The following CASP1 variants were observed in gnomAD, a reference collection of about 807,000 sequenced individuals.
CASP1 encodes the protein caspase-1.
Under a neutral mutation model 41.2 loss-of-function variants are expected in CASP1, and 31 were observed. The ratio of observed to expected loss-of-function variants is 0.75; its 90% CI spans 0.57 to 1.02. CASP1 has a LOEUF of 1.02. CASP1 is among the 50% of genes least tolerant of loss of function. The pLI is 0.00. For synonymous variants in CASP1, 163 were observed against 166.5 expected (o/e 0.98, Z 0.16); for missense variants, 490 against 495.7 (o/e 0.99, Z 0.11).
At chr11:105,026,623 G>T (rs929023015) in intron 8 of CASP1, 36 of 601,438 alleles carry the variant, frequency 6.0e-5, no homozygotes, top group Non-Finnish European at 2.9e-6. Flanking sequence ...CAGGGCAGGA[G>T]CGGGGTGAAA....
At chr11:105,026,452 C>T in intron 8 of CASP1, 96 bp from the exon 9 acceptor site, 1 of 749,398 alleles carries the variant, frequency 1.3e-6, no homozygotes, top group Admixed American at 2.3e-5. Context: ...ACAAATATAG[C>T]AAAATAAGTG....
chr11:105,026,920 G>A lies in CASP1; in HGVS notation c.1038C>T (p.Gly346=), dbSNP rs1863336931. The A allele has an allele frequency of 6.2e-7, 1 of 1,605,280 alleles. No homozygotes were observed. Residue 346 remains glycine, a synonymous_variant, in exon 8 of 9, where the codon GGC becomes GGT. Transcript: ENST00000533400. Reference sequence around the variant, plus strand: ...CAATGAGTCTTCCAATAAAAACAGAGCCCATTGTGGGATGTCTCCAAGAAA... The same window carrying A: ...CAATGAGTCTTCCAATAAAAACAGAACCCATTGTGGGATGTCTCCAAGAAA... ...DNVSWRHPTM[G]SVFIGRLIEH...
chr11:105,033,909 C>A (rs778854175), intron 2 of CASP1: 13 of 700,786 alleles, frequency 1.9e-5, no homozygotes, highest in Non-Finnish European at 3.2e-5. Context: ...TTTGCCTTGC[C>A]AGGAACACTG....
chr11:105,029,194 C>A lies in CASP1; in HGVS notation c.936G>T (p.Glu312Asp), dbSNP rs779122963. ...SGNLSLPTTE[E>D]FEDDAIKKAH... ...CTTTCTTAATAGCATCATCCTCAAA[C>A]TCTTCTGTAGTTGGTAAAGATAGGT... The change falls in exon 7 of 9, where the codon GAG becomes GAT. Residue 312 changes from glutamate to aspartate, a missense_variant. Glu to Asp is a conservative substitution (Grantham distance 45). Transcript: ENST00000533400. 6.2e-7 allele frequency: 1 copy of A among 1,613,294 alleles called. No individual in the cohort carries two copies. The highest frequency in any genetic ancestry group is 8.5e-7 in the Non-Finnish European group (1 of 1,179,482).
Position 105,030,623 on chromosome 11 carries a change from A to G in CASP1, c.454-120T>C. 7.6e-6 allele frequency: 6 copies of G among 784,404 alleles called. No individual in the cohort carries two copies. In the Middle Eastern group the frequency reaches 1.1e-3, roughly 148 times the overall value. The allele number at this position is 784,404 out of a possible 1,614,324, so 48.6% of individuals were successfully genotyped here. On this transcript the variant is annotated intron_variant, in intron 4 of 8. Transcript: ENST00000533400. ...CAAGATACCAAACCCCATGAACCATACATTGAAAAGGGGGAACAGAATTGA... is the reference window on the plus strand; with the variant it reads ...CAAGATACCAAACCCCATGAACCATGCATTGAAAAGGGGGAACAGAATTGA...
chr11:105,030,954 G>C, intron 4 of CASP1: 1 of 511,804 alleles, frequency 2.0e-6, no homozygotes, highest in Non-Finnish European at 3.6e-6. Flanking sequence ...TGTCATCACT[G>C]ATGTTATTTA....
At chr11:105,028,649 G>A (rs501394) in intron 7 of CASP1, among the ~76,000 whole-genome samples, 23,171 of 151,988 alleles carry the variant, frequency 0.15, 2,021 homozygotes, top group Admixed American at 0.25. Flanking sequence ...CAAAGCATAC[G>A]TTTAGAAAAA....
At chr11:105,033,277 A>G (rs574136085) in intron 2 of CASP1, 151 bp from the exon 3 acceptor site, 2 of 571,322 alleles carry the variant, frequency 3.5e-6, no homozygotes, top group South Asian at 4.5e-5. Flanking sequence ...TTTAATTTAG[A>G]GAGTGGTGGG....
Position 105,026,898 on chromosome 11 carries a change from T to C in CASP1, c.1060A>G (p.Ile354Val). 6.2e-7 allele frequency: 1 copy of C among 1,611,798 alleles called. No individual in the cohort carries two copies. The highest frequency in any genetic ancestry group is 8.5e-7 in the Non-Finnish European group (1 of 1,178,038). The change falls in exon 8 of 9, where the codon ATT becomes GTT. Residue 354 changes from isoleucine to valine, a missense_variant. Coordinates refer to ENST00000533400, the MANE Select transcript of CASP1 (RefSeq NM_001257118.3). ...CAGGCATATTCTTGCATATGTTCAATGAGTCTTCCAATAAAAACAGAGCCC... is the reference window on the plus strand; with the variant it reads ...CAGGCATATTCTTGCATATGTTCAACGAGTCTTCCAATAAAAACAGAGCCC... Reference protein sequence around the residue: ...TMGSVFIGRLIEHMQEYACSC... With the variant: ...TMGSVFIGRLVEHMQEYACSC...
chr11:105,035,318 A>T (rs1363365415), upstream of CASP1: 7 of 649,958 alleles, frequency 1.1e-5, no homozygotes, highest in Admixed American at 1.6e-4. Flanking sequence ...CCTTGGATAG[A>T]TCAGGGTAGG....
At chr11:105,030,664 T>C in intron 4 of CASP1, 161 bp from the exon 5 acceptor site, 3 of 605,542 alleles carry the variant, frequency 5.0e-6, no homozygotes, top group Non-Finnish European at 8.5e-6. Context: ...GCTTCAAGAG[T>C]ATGCATGGAC....
chr11:105,026,234 A>G lies in CASP1; in HGVS notation c.*24T>C. ...CGACCATACACATGTACCTGCCCAC[A>G]GACATTCATACAGTTTCCTTATTTT... On this transcript the variant is annotated 3_prime_UTR_variant, in exon 9 of 9. Transcript: ENST00000533400. 1 of 1,448,584 alleles carries G rather than the reference A, an allele frequency of 6.9e-7. No individual in the cohort carries two copies. Among genetic ancestry groups the G allele is most frequent in the Non-Finnish European group, 9.7e-7 (1 of 1,029,882 alleles). 89.7% of individuals were successfully genotyped at this position (1,448,584 alleles called of 1,614,324 possible). A position where few individuals can be genotyped will look rare whatever the true frequency, so the allele number is the denominator to read the frequency against.
At position 105,029,232 on chromosome 11, in the gene CASP1, C is replaced by G; in HGVS notation, c.898G>C (p.Gly300Arg). The change falls in exon 7 of 9, where the codon GGA becomes CGA. Residue 300 changes from glycine (G) to arginine (R), a missense_variant. Transcript: ENST00000533400. ...PGVVWFKDSV[G>R]VSGNLSLPTT... ...GGTAAAGATAGGTTTCCAGAAACTC[C>G]TACTGAATCTTTAAACCACACCACA... 1 of 1,613,102 alleles carries G rather than the reference C, an allele frequency of 6.2e-7. No individual in the cohort carries two copies. The highest frequency in any genetic ancestry group is 8.5e-7 in the Non-Finnish European group (1 of 1,179,442).
chr11:105,033,380 A>G (rs1863814869), intron 2 of CASP1, among the ~76,000 whole-genome samples: 1 of 152,258 alleles, frequency 6.6e-6, no homozygotes, highest in African/African-American at 2.4e-5. Flanking sequence ...TTAGACAGGC[A>G]TAAGCTTTCC....
rs566804826 is a variant in CASP1, at chr11:105,034,074, C to T, written c.274+134G>A. On this transcript the variant is annotated intron_variant, in intron 2 of 8. Coordinates refer to ENST00000533400, the MANE Select transcript of CASP1 (RefSeq NM_001257118.3). Reference sequence around the variant, plus strand: ...GAGTCAAGGGACATGCAATAGGGACCCTGCTACAGAAATATGGCCCTGAAG... The same window carrying T: ...GAGTCAAGGGACATGCAATAGGGACTCTGCTACAGAAATATGGCCCTGAAG... 1.4e-4 allele frequency: 201 copies of T among 1,428,374 alleles called. No homozygotes were observed. In the African/African-American group the frequency reaches 2.4e-3, roughly 17 times the overall value. 88.5% of individuals were successfully genotyped at this position (1,428,374 alleles called of 1,614,324 possible).
At chr11:105,028,598 C>G (rs943690669) in intron 7 of CASP1, among the ~76,000 whole-genome samples, 1 of 152,024 alleles carries the variant, frequency 6.6e-6, no homozygotes, top group Admixed American at 6.6e-5. Context: ...TTACAAAATA[C>G]TAAATGTCTG....
At chr11:105,035,843 C>CA (rs1863995562), upstream of CASP1, among the ~76,000 whole-genome samples, 1 of 151,948 alleles carries the variant, frequency 6.6e-6, no homozygotes, top group Non-Finnish European at 1.5e-5. Flanking sequence ...CTTCAGCTCC[C>CA]AGGCTCAAGC....
chr11:105,026,145 G>A lies in CASP1; in HGVS notation c.*113C>T. ...TTTTTGGATTAAGGATTCTCAGCCTGTAAACCTAGAGTTCTTGACTCAAAT... is the reference window on the plus strand; with the variant it reads ...TTTTTGGATTAAGGATTCTCAGCCTATAAACCTAGAGTTCTTGACTCAAAT... On this transcript the variant is annotated 3_prime_UTR_variant, in exon 9 of 9. Transcript: ENST00000533400. The A allele has an allele frequency of 1.6e-6, 1 of 642,882 alleles. No individual in the cohort carries two copies. Among genetic ancestry groups the A allele is most frequent in the East Asian group, 2.7e-5 (1 of 36,692 alleles). 39.8% of individuals were successfully genotyped at this position (642,882 alleles called of 1,614,324 possible).
chr11:105,026,673 T>A, intron 8 of CASP1, 169 bp downstream of exon 8: 1 of 609,706 alleles, frequency 1.6e-6, no homozygotes, highest in Non-Finnish European at 2.9e-6. Context: ...TCTTAATAGA[T>A]TGGATTAGGC....
Sources: gnomAD v4.1 joint callset for allele counts (sites outside exome capture counted in the v4.1 genomes callset) on GRCh38, gnomAD v4.1.1 for gene constraint, MANE v1.5 for transcripts, NCBI Gene and HGNC (gene_info 2026-07-23, HGNC 2026-07-21) for gene names.